Variants in ARHGAP15 observed in about 807,000 individuals in gnomAD.
ARHGAP15 encodes the protein Rho GTPase activating protein 15, also known as rho GTPase-activating protein 15.
In ARHGAP15, 51 loss-of-function variants were observed where a neutral mutation model predicts 63.7. The ratio of observed to expected loss-of-function variants is 0.80; its 90% CI spans 0.64 to 1.01. ARHGAP15 has a LOEUF of 1.01. Ranked by LOEUF, ARHGAP15 falls within the 50% of genes least tolerant of loss-of-function variation. ARHGAP15 has a pLI of 0.00. For missense variants in ARHGAP15, 560 were observed against 564.6 expected (o/e 0.99, Z 0.08); for synonymous variants, 191 against 193.8 (o/e 0.99, Z 0.12).
At chr2:143,673,618 A>C (rs1574819837) in intron 12 of ARHGAP15, among the ~76,000 whole-genome samples, 1 of 151,054 alleles carries the variant, frequency 6.6e-6, no homozygotes, top group Admixed American at 6.6e-5. Context: ...TTAATGTAAA[A>C]ATATAAATTG....
At chr2:143,638,330 G>A (rs1218019483) in intron 12 of ARHGAP15, among the ~76,000 whole-genome samples, 1 of 149,894 alleles carries the variant, frequency 6.7e-6, no homozygotes, top group Admixed American at 6.7e-5. Context: ...CATAAAAAAT[G>A]ATGAGTTCAT....
intron 6 of ARHGAP15, among the ~76,000 whole-genome samples, chr2:143,282,557 C>G (rs1204244492): frequency 6.6e-6 from 1 of 152,038 alleles, no homozygotes; most frequent in Non-Finnish European, 1.5e-5. Flanking sequence ...AGACCTGCCC[C>G]CATGATTCAA....
chr2:143,489,172 G>A (rs1692464074), intron 9 of ARHGAP15, among the ~76,000 whole-genome samples: 1 of 152,220 alleles, frequency 6.6e-6, no homozygotes, highest in Non-Finnish European at 1.5e-5. Flanking sequence ...CAGTGGCAGG[G>A]TCTGGCTCCA....
At chr2:143,721,061 C>CAAAAAAAA (rs60500194) in intron 13 of ARHGAP15, among the ~76,000 whole-genome samples, 1,107 of 78,184 alleles carry the variant, frequency 0.014, 76 homozygotes, top group African/African-American at 0.023. Context: ...GACTCCGTCT[C>CAAAAAAAA]AAAAAAAAAA....
chr2:143,704,505 G>A (rs181386223), intron 13 of ARHGAP15, among the ~76,000 whole-genome samples: 16 of 152,262 alleles, frequency 1.1e-4, no homozygotes, highest in Admixed American at 3.9e-4. Context: ...GTGAAGAAGC[G>A]ATAGTATCGC....
intron 11 of ARHGAP15, among the ~76,000 whole-genome samples, chr2:143,590,655 A>G (rs1697285214): frequency 6.6e-6 from 1 of 152,144 alleles, no homozygotes; most frequent in Non-Finnish European, 1.5e-5. Context: ...ATCCTTCCAG[A>G]ATCGCCTTCT....
intron 12 of ARHGAP15, among the ~76,000 whole-genome samples, chr2:143,670,145 A>G (rs570463976): frequency 2.0e-5 from 3 of 152,226 alleles, no homozygotes; most frequent in African/African-American, 7.2e-5. Flanking sequence ...CAGACCCCAT[A>G]CAGAAAAGCT....
intron 11 of ARHGAP15, among the ~76,000 whole-genome samples, chr2:143,557,818 G>T (rs1322347941): frequency 6.6e-6 from 1 of 151,988 alleles, no homozygotes; most frequent in African/African-American, 2.4e-5. Flanking sequence ...GTAAAAATAA[G>T]AAATTAGAAA....
At position 143,485,093 on chromosome 2, in the gene ARHGAP15, T is replaced by A. The variant is rs184786788; in HGVS notation, c.704-2280T>A. 2.9e-3 allele frequency among the ~76,000 whole-genome samples: 431 copies of A among 150,494 alleles called. 1 individual carries two copies. Among genetic ancestry groups the A allele is most frequent in the Middle Eastern group, 6.9e-3 (2 of 290 alleles). ...AAGTTTACTTTAATTTAAAAAAAAA[T>A]TTTTAATTTCCGGGATACATGTGCA... On this transcript the variant is annotated intron_variant, in intron 8 of 13. Transcript: ENST00000295095.
At chr2:143,499,423 T>A (rs1029470170) in intron 9 of ARHGAP15, among the ~76,000 whole-genome samples, 2 of 152,206 alleles carry the variant, frequency 1.3e-5, no homozygotes, top group African/African-American at 4.8e-5. Flanking sequence ...TAAATGGGCA[T>A]AGGACACAGC....
At chr2:143,644,253 G>A (rs1020362328) in intron 12 of ARHGAP15, among the ~76,000 whole-genome samples, 13 of 152,002 alleles carry the variant, frequency 8.6e-5, no homozygotes, top group Admixed American at 3.3e-4. Context: ...GGTAGGGAGT[G>A]GAACTCAGCA....
intron 8 of ARHGAP15, among the ~76,000 whole-genome samples, chr2:143,448,255 T>C (rs568862011): frequency 6.6e-6 from 1 of 152,252 alleles, no homozygotes; most frequent in African/African-American, 2.4e-5. Flanking sequence ...AGTGAACCAT[T>C]GGCAAAGGGT....
chr2:143,177,618 A>T (rs1358448434), intron 2 of ARHGAP15, among the ~76,000 whole-genome samples: 2 of 152,188 alleles, frequency 1.3e-5, no homozygotes, highest in Non-Finnish European at 2.9e-5. Flanking sequence ...TGATCTAGGG[A>T]TCCCTTGGGG....
Position 143,260,367 on chromosome 2 carries a change from G to A in ARHGAP15, c.474+9767G>A, listed in dbSNP as rs768649747. ...TAATCGTAGAAAGTCTCCTTGGTAT[G>A]TAATGAAAACCTTGACCCTTTAAAT... On this transcript the variant is annotated intron_variant, in intron 6 of 13. Coordinates refer to ENST00000295095, the MANE Select transcript of ARHGAP15 (RefSeq NM_018460.4). 4.6e-5 allele frequency among the ~76,000 whole-genome samples: 7 copies of A among 152,120 alleles called. No individual in the cohort carries two copies. In the East Asian group the frequency reaches 7.7e-4, roughly 17 times the overall value.
chr2:143,399,554 T>A (rs188473070), intron 6 of ARHGAP15, among the ~76,000 whole-genome samples: 1 of 151,578 alleles, frequency 6.6e-6, no homozygotes, highest in Non-Finnish European at 1.5e-5. Flanking sequence ...GGCCTTGTAA[T>A]GTATTTGTGG....
intron 13 of ARHGAP15, among the ~76,000 whole-genome samples, chr2:143,710,787 G>A (rs1312227541): frequency 6.6e-6 from 1 of 152,156 alleles, no homozygotes; most frequent in Non-Finnish European, 1.5e-5. Context: ...TTTGGAATCA[G>A]AAGACATAGT....
chr2:143,756,084 C>T (rs530326740), intron 13 of ARHGAP15, among the ~76,000 whole-genome samples: 33 of 152,152 alleles, frequency 2.2e-4, no homozygotes, highest in African/African-American at 7.7e-4. Flanking sequence ...GTCATTTAAA[C>T]AAGGAGACAA....
intron 12 of ARHGAP15, among the ~76,000 whole-genome samples, chr2:143,663,252 G>T (rs1225066853): frequency 1.3e-5 from 2 of 148,172 alleles, no homozygotes; most frequent in African/African-American, 5.0e-5. Context: ...GAGAGTGGGG[G>T]CCAATATTCA....
intron 6 of ARHGAP15, among the ~76,000 whole-genome samples, chr2:143,367,643 C>T (rs1284513877): frequency 2.0e-5 from 3 of 151,708 alleles, no homozygotes; most frequent in South Asian, 2.1e-4. Flanking sequence ...TTCTTGTAAC[C>T]TCCATTTCAC....
Sources: gnomAD v4.1 joint callset for allele counts (sites outside exome capture counted in the v4.1 genomes callset) on GRCh38, gnomAD v4.1.1 for gene constraint, MANE v1.5 for transcripts, NCBI Gene and HGNC (gene_info 2026-07-23, HGNC 2026-07-21) for gene names.